Variants in AGAP1 observed in about 807,000 individuals in gnomAD.
AGAP1 encodes the protein arf-GAP with GTPase, ANK repeat and PH domain-containing protein 1.
Under a neutral mutation model 105.3 loss-of-function variants are expected in AGAP1, and 29 were observed. That is an observed-to-expected ratio of 0.28 (90% CI 0.21 to 0.38). AGAP1 has a LOEUF of 0.38. Ranked by LOEUF, AGAP1 falls within the 10% of genes least tolerant of loss-of-function variation. The pLI, the probability that AGAP1 is intolerant of heterozygous loss-of-function variation, is 1.00. For synonymous variants in AGAP1, 509 were observed against 485.9 expected, an observed-to-expected ratio of 1.05 and a Z score of -0.63; for missense variants, 998 against 1,165.1, an observed-to-expected ratio of 0.86 and a Z score of 2.09.
chr2:235,980,823 T>C (rs1432889971), intron 13 of AGAP1, among the ~76,000 whole-genome samples: 1 of 152,160 alleles, frequency 6.6e-6, no homozygotes, highest in Admixed American at 6.5e-5. Context: ...CATTGTTTCC[T>C]CCCTCCCCTC....
At chr2:235,839,999 T>G (rs1044248777) in intron 9 of AGAP1, among the ~76,000 whole-genome samples, 1 of 152,220 alleles carries the variant, frequency 6.6e-6, no homozygotes, top group African/African-American at 2.4e-5. Context: ...TGAAATAATT[T>G]ATGAGGAAAA....
Position 236,051,928 on chromosome 2 carries a change from G to A in AGAP1, c.2114+2647G>A, listed in dbSNP as rs12999181. ...CCACCACCTTCACCACCTCCTGCAC[G>A]TCCCCTCAATAGAAAATGGAAAAGT... is the stretch of plus-strand genomic sequence containing the variant. On this transcript the variant is annotated intron_variant, in intron 16 of 17. Transcript: ENST00000304032. The surrounding 1 kb of genome is among the most constrained non-coding windows in gnomAD (Gnocchi z 5.9). 0.39 allele frequency among the ~76,000 whole-genome samples: 58,820 copies of A among 151,848 alleles called. 14,067 individuals carry two copies. The highest frequency in any genetic ancestry group is 0.52 in the Non-Finnish European group (35,383 of 67,922).
intron 13 of AGAP1, among the ~76,000 whole-genome samples, chr2:236,015,782 A>G (rs952641255): frequency 6.6e-6 from 1 of 152,112 alleles, no homozygotes; most frequent in African/African-American, 2.4e-5. Flanking sequence ...CCTAACACTA[A>G]TTGACTTATT....
In AGAP1 at chr2:235,753,255, A is replaced by G. The variant is rs1953608841; in HGVS notation, c.673+2767A>G. ...GAGGAGAATAAGGACTGATATTTCT[A>G]AATATTAGTTTAAAATATTCAGAAA... On this transcript the variant is annotated intron_variant, in intron 6 of 17. Transcript: ENST00000304032. The surrounding 1 kb of genome is among the most constrained non-coding windows in gnomAD (Gnocchi z 4.5). 6.6e-6 allele frequency among the ~76,000 whole-genome samples: 1 copy of G among 152,196 alleles called. No homozygotes were observed. Among genetic ancestry groups the G allele is most frequent in the Admixed American group, 6.5e-5 (1 of 15,278 alleles).
chr2:236,116,723 T>TAAAGA (rs2059780228), intron 16 of AGAP1, among the ~76,000 whole-genome samples: 1 of 151,992 alleles, frequency 6.6e-6, no homozygotes, highest in Non-Finnish European at 1.5e-5. Context: ...CTGCACCCTA[T>TAAAGA]TTGTAGTCTT....
chr2:235,496,319 G>C (rs556368732), intron 1 of AGAP1, among the ~76,000 whole-genome samples: 61 of 152,234 alleles, frequency 4.0e-4, no homozygotes, highest in African/African-American at 1.4e-3. Context: ...TGGCTGCCTT[G>C]TTGGTGACTT....
chr2:235,995,808 A>G (rs563188950), intron 13 of AGAP1, among the ~76,000 whole-genome samples: 2 of 152,268 alleles, frequency 1.3e-5, no homozygotes, highest in East Asian at 3.9e-4. Flanking sequence ...GGTGAGGATG[A>G]CCCTGTGGTG....
chr2:235,548,074 G>T (rs906511431), intron 1 of AGAP1, among the ~76,000 whole-genome samples: 6 of 152,202 alleles, frequency 3.9e-5, no homozygotes, highest in African/African-American at 1.4e-4. Flanking sequence ...TCTGCCCCAG[G>T]GTCGTGAGAA....
chr2:235,973,747 G>A lies in AGAP1; in HGVS notation c.1645+5124G>A, dbSNP rs973819985. Among the ~76,000 whole-genome samples the A allele has an allele frequency of 3.9e-5, 6 of 152,142 alleles. No individual in the cohort carries two copies. Among genetic ancestry groups the A allele is most frequent in the African/African-American group, 9.7e-5 (4 of 41,414 alleles). On this transcript the variant is annotated intron_variant, in intron 13 of 17. Coordinates refer to ENST00000304032, the MANE Select transcript of AGAP1 (RefSeq NM_001037131.3). This position sits in a 1 kb window ranked among gnomAD's most constrained non-coding sequence, Gnocchi z 4.7. ...TTAAAAGCTCTAGAAAAAGCTCTAC[G>A]AACCAGGGCCACCTGAGAGGGAGTG...
chr2:235,530,588 CCT>C (rs1419881710), intron 1 of AGAP1, among the ~76,000 whole-genome samples: 2 of 152,176 alleles, frequency 1.3e-5, no homozygotes, highest in East Asian at 3.9e-4. Flanking sequence ...ATGGCCCCTT[CCT>C]CTGTCTTCAA....
At chr2:235,603,236 G>A (rs565654067) in intron 1 of AGAP1, among the ~76,000 whole-genome samples, 17 of 144,974 alleles carry the variant, frequency 1.2e-4, no homozygotes, top group Admixed American at 2.7e-4. Context: ...CTTGCCTGCC[G>A]CCATGTAAGA....
At chr2:235,857,385 G>A (rs1176488921) in intron 9 of AGAP1, among the ~76,000 whole-genome samples, 1 of 152,088 alleles carries the variant, frequency 6.6e-6, no homozygotes, top group African/African-American at 2.4e-5. Context: ...CTGGTCCCTG[G>A]TGCCAAAAAG....
chr2:235,763,595 A>G (rs979445322), intron 6 of AGAP1, among the ~76,000 whole-genome samples: 5 of 152,200 alleles, frequency 3.3e-5, no homozygotes, highest in African/African-American at 1.2e-4. Context: ...CACATCCTTC[A>G]GAATGTTAAG....
At chr2:235,539,013 C>A (rs905817815) in intron 1 of AGAP1, among the ~76,000 whole-genome samples, 18 of 152,068 alleles carry the variant, frequency 1.2e-4, no homozygotes, top group African/African-American at 3.6e-4. Flanking sequence ...TTATATTGTA[C>A]CTTCTTGTTC....
chr2:235,807,378 T>C, intron 9 of AGAP1, 47 bp downstream of exon 9: 1 of 1,524,210 alleles, frequency 6.6e-7, no homozygotes. Context: ...GAGATACACC[T>C]CAGGTCTTCC....
chr2:235,626,299 A>G (rs1946634867), intron 1 of AGAP1, among the ~76,000 whole-genome samples: 1 of 152,210 alleles, frequency 6.6e-6, no homozygotes, highest in South Asian at 2.1e-4. Flanking sequence ...CAGAGGTTGC[A>G]GTGAGCCAAG....
rs1353496030 is a variant in AGAP1 at position 235,614,142 on chromosome 2, G to T, written c.164-95037G>T. On this transcript the variant is annotated intron_variant, in intron 1 of 17. Coordinates refer to ENST00000304032, the MANE Select transcript of AGAP1 (RefSeq NM_001037131.3). This position sits in a 1 kb window ranked among gnomAD's most constrained non-coding sequence, Gnocchi z 4.7. ...CTGCGAATGTGCTAGATACCCTACTGGTGCTGGTGAGCAGAAACAGGCAAG... is the reference window on the plus strand; with the variant it reads ...CTGCGAATGTGCTAGATACCCTACTTGTGCTGGTGAGCAGAAACAGGCAAG... 6.6e-6 allele frequency among the ~76,000 whole-genome samples: 1 copy of T among 152,100 alleles called. No individual in the cohort carries two copies. The highest frequency in any genetic ancestry group is 2.4e-5 in the African/African-American group (1 of 41,418).
intron 1 of AGAP1, among the ~76,000 whole-genome samples, chr2:235,605,120 C>T (rs868136764): frequency 8.6e-5 from 13 of 152,042 alleles, no homozygotes; most frequent in Middle Eastern, 3.4e-3. Flanking sequence ...TCAAGCGATC[C>T]GCCTGCCTCT....
rs1315239856 is a variant in AGAP1, at chr2:236,096,211, G to A, written c.2115-23981G>A. ...GTGGCTCTTCTCATTAAAAGCTCCT[G>A]GAATGTCAGCCAGGCACAGTGGCTC... On this transcript the variant is annotated intron_variant, in intron 16 of 17. Transcript: ENST00000304032. This position sits in a 1 kb window ranked among gnomAD's most constrained non-coding sequence, Gnocchi z 4.4. Among the ~76,000 whole-genome samples the A allele has an allele frequency of 1.3e-5, 2 of 152,072 alleles. No homozygotes were observed. Among genetic ancestry groups the A allele is most frequent in the Non-Finnish European group, 2.9e-5 (2 of 67,994 alleles).
Sources: allele counts gnomAD v4.1 joint callset (sites outside exome capture counted in the v4.1 genomes callset), GRCh38; gene constraint gnomAD v4.1.1; non-coding constraint Gnocchi (gnomAD v3.1); transcripts MANE v1.5; gene names NCBI Gene and HGNC (gene_info 2026-07-23, HGNC 2026-07-21).